The following TBC1D8B variants were observed in gnomAD, a reference collection of about 807,000 sequenced individuals.
TBC1D8B encodes the protein TBC1 domain family member 8B, also known as RP11-321G1.1.
TBC1D8B carries 75 observed loss-of-function variants against 82.9 expected under a neutral mutation model. The observed-to-expected ratio is 0.90, with a 90% CI of 0.75 to 1.10. TBC1D8B has a LOEUF of 1.10. TBC1D8B is among the 50% of genes least tolerant of loss of function. TBC1D8B has a pLI of 0.00. For missense variants in TBC1D8B, 794 were observed against 796.9 expected, an observed-to-expected ratio of 1.00 and a Z score of 0.04; for synonymous variants, 276 against 276.8, an observed-to-expected ratio of 1.00 and a Z score of 0.03.
chrX:106,851,729 A>G (rs1932589669), intron 12 of TBC1D8B, among the ~76,000 whole-genome samples: 1 of 111,517 alleles, frequency 9.0e-6, no homozygotes, highest in Non-Finnish European at 1.9e-5. Flanking sequence ...CCATGTCCCT[A>G]CAAAGGACAT....
Position 106,812,582 on chromosome X carries a change from A to G in TBC1D8B, c.131-6081A>G, listed in dbSNP as rs1320252342. On this transcript the variant is annotated intron_variant, in intron 1 of 20. Transcript: ENST00000357242. ...CAGAAAGAGCAACTTGTCAAACTAA[A>G]GGACATTTTAGTTTGTGTACTAAAC... is the stretch of plus-strand genomic sequence containing the variant. Among the ~76,000 whole-genome samples the G allele has an allele frequency of 2.7e-5, 3 of 111,619 alleles. No individual in the cohort carries two copies. In the Admixed American group the frequency reaches 2.9e-4, roughly 11 times the overall value.
At position 106,865,633 on chromosome X, in the gene TBC1D8B, G is replaced by A; in HGVS notation, c.2421+6G>A. ...AACTTTATGTCATCTTTAAGGTACT[G>A]TTGTTCTTCTTTAAATGAAAAATAA... On this transcript the variant is annotated splice_donor_region_variant and intron_variant, in intron 15 of 20. Transcript: ENST00000357242. 8.5e-7 allele frequency: 1 copy of A among 1,176,621 alleles called. No homozygotes were observed. Among genetic ancestry groups the A allele is most frequent in the Non-Finnish European group, 1.1e-6 (1 of 874,881 alleles).
intron 7 of TBC1D8B, chrX:106,828,542 A>G (rs1300726663): frequency 4.5e-5 from 5 of 110,818 alleles, no homozygotes; most frequent in African/African-American, 6.7e-5. Context: ...AAAATCCTCA[A>G]TAAAATACTG....
At chrX:106,849,714 T>C in intron 11 of TBC1D8B, 1 of 867,989 alleles carries the variant, frequency 1.2e-6, no homozygotes, top group Non-Finnish European at 1.4e-6. Context: ...TTATCTTGTG[T>C]TATGCTAGAT....
At position 106,802,828 on chromosome X, in the gene TBC1D8B, T is replaced by A. The variant is rs376292632; in HGVS notation, c.-26T>A. 9.1e-5 allele frequency: 110 copies of A among 1,207,499 alleles called. 1 individual carries two copies. In the South Asian group the frequency reaches 1.8e-3, roughly 20 times the overall value. ...GAGGTGAGGAGGGCATCTAGGTCAC[T>A]GCTCCCGGGGGGCACAAAGTTCGCG... On this transcript the variant is annotated 5_prime_UTR_variant, in exon 1 of 21. Coordinates refer to ENST00000357242, the MANE Select transcript of TBC1D8B (RefSeq NM_017752.3).
intron 12 of TBC1D8B, among the ~76,000 whole-genome samples, chrX:106,852,625 T>C (rs1483648060): frequency 9.1e-6 from 1 of 110,319 alleles, no homozygotes; most frequent in African/African-American, 3.3e-5. Context: ...GTTTCAGCTT[T>C]CTACATATGG....
chrX:106,851,594 G>A (rs1483589072), intron 12 of TBC1D8B, among the ~76,000 whole-genome samples: 1 of 108,770 alleles, frequency 9.2e-6, no homozygotes, highest in Non-Finnish European at 1.9e-5. Context: ...TCCCCAGTGT[G>A]TGATGTTCCC....
In TBC1D8B at chrX:106,874,059, T is replaced by A. The variant is rs959918554; in HGVS notation, c.*94T>A. The A allele has an allele frequency of 5.1e-6, 5 of 980,326 alleles. No individual in the cohort carries two copies. Among genetic ancestry groups the A allele is most frequent in the Non-Finnish European group, 6.8e-6 (5 of 732,967 alleles). 80.8% of individuals were successfully genotyped at this position (980,326 alleles called of 1,213,427 possible). On this transcript the variant is annotated 3_prime_UTR_variant, in exon 21 of 21. Coordinates refer to ENST00000357242, the MANE Select transcript of TBC1D8B (RefSeq NM_017752.3). ...AGTAGGGCTCAGGGATTTATCTTGT[T>A]ACCAATGTGTCTGAAGGCCAAAATA...
At chrX:106,869,617 A>C in intron 19 of TBC1D8B, 76 bp downstream of exon 19, 1 of 837,684 alleles carries the variant, frequency 1.2e-6, no homozygotes, top group Admixed American at 2.5e-5. Context: ...AAAGGGGGAA[A>C]AGGTGGATTC....
intron 10 of TBC1D8B, among the ~76,000 whole-genome samples, chrX:106,847,470 T>A (rs1932482443): frequency 8.9e-6 from 1 of 111,734 alleles, no homozygotes; most frequent in Non-Finnish European, 1.9e-5. Flanking sequence ...TTCATACTTT[T>A]CCATTCTCTC....
At chrX:106,836,657 T>A (rs1397615037) in intron 7 of TBC1D8B, among the ~76,000 whole-genome samples, 1 of 110,662 alleles carries the variant, frequency 9.0e-6, no homozygotes, top group East Asian at 2.8e-4. Context: ...GCTGGGTAAC[T>A]GATATGTTTT....
At chrX:106,823,677 T>C (rs762392384) in intron 5 of TBC1D8B, among the ~76,000 whole-genome samples, 1 of 111,254 alleles carries the variant, frequency 9.0e-6, no homozygotes, top group East Asian at 2.8e-4. Flanking sequence ...TAAGAAATAA[T>C]AGAAGTTAGA....
chrX:106,807,675 A>C (rs928501149), intron 1 of TBC1D8B, among the ~76,000 whole-genome samples: 1 of 111,127 alleles, frequency 9.0e-6, no homozygotes, highest in African/African-American at 3.3e-5. Context: ...ATTTCAGAGA[A>C]CGAAATGTTC....
At chrX:106,826,692 G>A (rs187282756) in intron 6 of TBC1D8B, among the ~76,000 whole-genome samples, 1 of 107,075 alleles carries the variant, frequency 9.3e-6, no homozygotes, top group East Asian at 3.0e-4. Context: ...TTGTCCTTGC[G>A]ATAGTTTGCT....
chrX:106,853,466 C>G (rs780718082), intron 12 of TBC1D8B, 55 bp from the exon 13 acceptor site: 1 of 1,132,225 alleles, frequency 8.8e-7, no homozygotes. Flanking sequence ...TGTCATTTCT[C>G]TGCTTTAATA....
intron 5 of TBC1D8B, 82 bp downstream of exon 5, chrX:106,823,548 A>G (rs1931757460): frequency 1.9e-6 from 2 of 1,057,511 alleles, no homozygotes; most frequent in Non-Finnish European, 2.5e-6. Flanking sequence ...TTAAAAGTTA[A>G]CTCTTCTATA....
chrX:106,860,077 G>C (rs1423475361), intron 14 of TBC1D8B, among the ~76,000 whole-genome samples: 1 of 111,583 alleles, frequency 9.0e-6, no homozygotes, highest in African/African-American at 3.3e-5. Flanking sequence ...TTGATGTGCT[G>C]CTAGATTTGG....
intron 10 of TBC1D8B, among the ~76,000 whole-genome samples, chrX:106,842,601 C>CTCTA (rs55764545): frequency 0.011 from 1,060 of 95,321 alleles, 6 homozygotes; most frequent in East Asian, 0.032. Context: ...GGCTAGCTTG[C>CTCTA]TCTATCTATC....
In TBC1D8B at chrX:106,865,078, T is replaced by G. The variant is rs1401645962; in HGVS notation, c.2353-481T>G. Among the ~76,000 whole-genome samples the G allele has an allele frequency of 2.0e-4, 22 of 111,890 alleles. No individual in the cohort carries two copies. In the Admixed American group the frequency reaches 2.1e-3, roughly 11 times the overall value. ...TTGTATCATTAGTCCTTCTTCTTCA[T>G]GGAATAGGATAAAAGTACATATTTT... On this transcript the variant is annotated intron_variant, in intron 14 of 20. Transcript: ENST00000357242.
Sources: gnomAD v4.1 joint callset for allele counts (sites outside exome capture counted in the v4.1 genomes callset) on GRCh38, gnomAD v4.1.1 for gene constraint, MANE v1.5 for transcripts, NCBI Gene and HGNC (gene_info 2026-07-23, HGNC 2026-07-21) for gene names.